Variants in OR9G1 observed in about 807,000 individuals in gnomAD.
OR9G1 encodes olfactory receptor family 9 subfamily G member 1, also known as olfactory receptor 9G1.
OR9G1 carries 21 observed loss-of-function variants against 14.5 expected under a neutral mutation model. The observed-to-expected ratio is 1.45, with a 90% CI of 1.03 to 2.09. The LOEUF (loss-of-function observed/expected upper bound fraction) is 2.09. Ranked by LOEUF, OR9G1 falls within the 30% of genes most tolerant of loss-of-function variation. The pLI is 0.00. For missense variants in OR9G1, 476 were observed against 364.2 expected (o/e 1.31, Z -2.50); for synonymous variants, 179 against 153.3 (o/e 1.17, Z -1.24).
chr11:56,701,358 TG>T lies in OR9G1; in HGVS notation c.*54del. The T allele has an allele frequency of 6.5e-7, 1 of 1,537,236 alleles. No homozygotes were observed. The highest frequency in any genetic ancestry group is 2.0e-5 in the Admixed American group (1 of 49,032). ...ACAAAGACGACCTTAGATGGAGTGT[TG>T]TGTATTTCAAACAGAGTTACCATTG... is the stretch of plus-strand genomic sequence containing the variant. On this transcript the variant is annotated 3_prime_UTR_variant, in exon 2 of 2. Coordinates refer to ENST00000642097, the MANE Select transcript of OR9G1 (RefSeq NM_001005213.2).
rs558317454 is a variant in OR9G1, at chr11:56,701,767, G to T, written c.*462G>T. 2 of 72,388 alleles carry T rather than the reference G, an allele frequency of 2.8e-5. No individual in the cohort carries two copies. The highest frequency in any genetic ancestry group is 1.0e-4 in the African/African-American group (2 of 19,402). 4.5% of individuals were successfully genotyped at this position (72,388 alleles called of 1,614,324 possible). The stretch of plus-strand genomic sequence containing the variant: ...TCTACATGCTTTCCCCCCACAAGAA[G>T]AATTAGCACAAAGATCCAGAGGCAC... On this transcript the variant is annotated 3_prime_UTR_variant, in exon 2 of 2. Transcript: ENST00000642097.
rs1857609395 is a variant in OR9G1, at chr11:56,700,776, T to G, written c.389T>G (p.Leu130Arg). ...DRYVAISKPLLYAQAMSIKLC... is the reference protein window; with the variant it reads ...DRYVAISKPLRYAQAMSIKLC... The stretch of plus-strand genomic sequence containing the variant: ...TACGTGGCCATCTCCAAGCCCCTGC[T>G]TTATGCCCAGGCCATGTCCATAAAG... The change falls in exon 2 of 2, where the codon CTT becomes CGT. Residue 130 changes from leucine to arginine, a missense_variant. By Grantham distance (102) the Leu-to-Arg change is moderately radical. This residue lies in a region of OR9G1 where 352 missense variants were observed against 211.6 expected (regional missense o/e 1.66). Transcript: ENST00000642097. The G allele has an allele frequency of 6.2e-7, 1 of 1,614,200 alleles. No individual in the cohort carries two copies. The highest frequency in any genetic ancestry group is 1.7e-5 in the Admixed American group (1 of 60,018).
Position 56,700,937 on chromosome 11 carries a change from G to C in OR9G1, c.550G>C (p.Val184Leu). ...CTTTTTCTGTGATTTGCTTCCCTTG[G>C]TGGAGCTGGCCTGTGGCGAGAAGGG... ...DDFFCDLLPL[V>L]ELACGEKGGY... The change falls in exon 2 of 2, where the codon GTG (valine) becomes CTG (leucine). Residue 184 changes from valine to leucine, a missense_variant. By Grantham distance (32) the Val-to-Leu change is conservative. Transcript: ENST00000642097. 2 of 1,614,258 alleles carry C rather than the reference G, an allele frequency of 1.2e-6. No homozygotes were observed. The highest frequency in any genetic ancestry group is 1.7e-6 in the Non-Finnish European group (2 of 1,180,012).
chr11:56,701,216 T>C lies in OR9G1; in HGVS notation c.829T>C (p.Tyr277His), dbSNP rs765644085. Residue 277 changes from tyrosine (Y) to histidine (H), a missense_variant, in exon 2 of 2, where the codon TAC becomes CAC. By Grantham distance (83) the Tyr-to-His change is moderately conservative (BLOSUM62 2). Coordinates refer to ENST00000642097, the MANE Select transcript of OR9G1 (RefSeq NM_001005213.2). ...FDMDKIVSTF[Y>H]TVVFPMLNLM... ...TATGGACAAAATAGTTTCTACATTT[T>C]ACACTGTGGTATTCCCCATGTTGAA... The C allele has an allele frequency of 9.3e-6, 15 of 1,614,300 alleles. No homozygotes were observed. Among genetic ancestry groups the C allele is most frequent in the Admixed American group, 1.7e-5 (1 of 60,036 alleles).
chr11:56,700,589 C>G lies in OR9G1; in HGVS notation c.202C>G (p.Leu68Val), dbSNP rs1215545447. 6.2e-7 allele frequency: 1 copy of G among 1,614,316 alleles called. No individual in the cohort carries two copies. Among genetic ancestry groups the G allele is most frequent in the South Asian group, 1.1e-5 (1 of 91,092 alleles). Residue 68 changes from leucine (L) to valine (V), a missense_variant, in exon 2 of 2, where the codon CTG becomes GTG. This residue lies in a region of OR9G1 where 89 missense variants were observed against 85.1 expected (regional missense o/e 1.05). Coordinates refer to ENST00000642097, the MANE Select transcript of OR9G1 (RefSeq NM_001005213.2). ...MYFFTGNLSF[L>V]DLWYSSVYTP... ...TTTTTTCACTGGAAATCTGTCGTTT[C>G]TGGATCTCTGGTATTCTTCTGTCTA...
At position 56,701,542 on chromosome 11, in the gene OR9G1, A is replaced by G; in HGVS notation, c.*237A>G. Reference sequence around the variant, plus strand: ...AAAAACAAACATAAACCTTAAGCCCAAAACCTCTCCTATACCTTCATAAAG... The same window carrying G: ...AAAAACAAACATAAACCTTAAGCCCGAAACCTCTCCTATACCTTCATAAAG... On this transcript the variant is annotated 3_prime_UTR_variant, in exon 2 of 2. Transcript: ENST00000642097. The G allele has an allele frequency of 1.5e-6, 1 of 649,932 alleles. No homozygotes were observed. Among genetic ancestry groups the G allele is most frequent in the Non-Finnish European group, 2.4e-6 (1 of 415,448 alleles). The allele number at this position is 649,932 out of a possible 1,614,324, so 40.3% of individuals were successfully genotyped here. A position where few individuals can be genotyped will look rare whatever the true frequency, so the allele number is the denominator to read the frequency against.
rs769056737 is a variant in OR9G1, at chr11:56,701,130, C to T, written c.743C>T (p.Thr248Ile). The T allele has an allele frequency of 1.2e-6, 2 of 1,614,306 alleles. No homozygotes were observed. The highest frequency in any genetic ancestry group is 1.7e-6 in the Non-Finnish European group (2 of 1,180,048). ...TGCTCCTCCCACCTGACCTCTGTCACTTTATACTATGGCTCCATTCTCTAC... is the reference window on the plus strand; with the variant it reads ...TGCTCCTCCCACCTGACCTCTGTCATTTTATACTATGGCTCCATTCTCTAC... ...STCSSHLTSVTLYYGSILYIY... is the reference protein window; with the variant it reads ...STCSSHLTSVILYYGSILYIY... The change falls in exon 2 of 2, where the codon ACT (threonine) becomes ATT (isoleucine). Residue 248 changes from threonine (T) to isoleucine (I), a missense_variant. By Grantham distance (89) the Thr-to-Ile change is moderately conservative. Coordinates refer to ENST00000642097, the MANE Select transcript of OR9G1 (RefSeq NM_001005213.2).
In OR9G1 at chr11:56,701,836, C is replaced by T. The variant is rs1298652402; in HGVS notation, c.*531C>T. 1 of 70,216 alleles carries T rather than the reference C, an allele frequency of 1.4e-5. No homozygotes were observed. Among genetic ancestry groups the T allele is most frequent in the Non-Finnish European group, 3.2e-5 (1 of 31,660 alleles). 4.3% of individuals were successfully genotyped at this position (70,216 alleles called of 1,614,324 possible). ...CAAATGAGACCCAGAAAGGCATGACCTTGCTATGCCTCTTACATAAGTTTC... is the reference window on the plus strand; with the variant it reads ...CAAATGAGACCCAGAAAGGCATGACTTTGCTATGCCTCTTACATAAGTTTC... On this transcript the variant is annotated 3_prime_UTR_variant, in exon 2 of 2. Transcript: ENST00000642097.
In OR9G1 at chr11:56,700,556, C is replaced by A. The variant is rs139045527; in HGVS notation, c.169C>A (p.Pro57Thr). The change falls in exon 2 of 2, where the codon CCC (proline) becomes ACC (threonine). Residue 57 changes from proline to threonine, a missense_variant. Around this residue, in one of 3 missense-constraint regions of OR9G1, gnomAD observed 89 missense variants for 85.1 expected, o/e 1.05. Coordinates refer to ENST00000642097, the MANE Select transcript of OR9G1 (RefSeq NM_001005213.2). ...CTGTAATGACTCCTGCCTCCACACA[C>A]CCATGTATTTTTTCACTGGAAATCT... ...LICNDSCLHT[P>T]MYFFTGNLSF... is the part of the protein sequence containing the mutation. 2.5e-6 allele frequency: 4 copies of A among 1,614,160 alleles called. No individual in the cohort carries two copies. The highest frequency in any genetic ancestry group is 2.2e-5 in the South Asian group (2 of 91,096).
In OR9G1 at chr11:56,701,292, A is replaced by C; in HGVS notation, c.905A>C (p.Lys302Thr). Residue 302 changes from lysine (K) to threonine (T), a missense_variant, in exon 2 of 2, where the codon AAA becomes ACA. Coordinates refer to ENST00000642097, the MANE Select transcript of OR9G1 (RefSeq NM_001005213.2). ...RNKDVKEALK[K>T]LLP ...AAGGATGTGAAAGAGGCTCTGAAAA[A>C]ACTTCTCCCATAAATCAAGATTATC... 6.2e-7 allele frequency: 1 copy of C among 1,604,430 alleles called. No individual in the cohort carries two copies.
In OR9G1 at chr11:56,701,568, T is replaced by C. The variant is rs2000896; in HGVS notation, c.*263T>C. 15,526 of 461,854 alleles carry C rather than the reference T, an allele frequency of 0.034. 3 individuals are homozygous for C. The highest frequency in any genetic ancestry group is 0.063 in the East Asian group (1,582 of 25,104). 28.6% of individuals were successfully genotyped at this position (461,854 alleles called of 1,614,324 possible). Reference sequence around the variant, plus strand: ...AAACCTCTCCTATACCTTCATAAAGTGAGGAACAGCCTACCTCATTAGCCT... The same window carrying C: ...AAACCTCTCCTATACCTTCATAAAGCGAGGAACAGCCTACCTCATTAGCCT... On this transcript the variant is annotated 3_prime_UTR_variant, in exon 2 of 2. Transcript: ENST00000642097.
At chr11:56,699,399 T>C (rs1857567143) in intron 1 of OR9G1, among the ~76,000 whole-genome samples, 1 of 152,310 alleles carries the variant, frequency 6.6e-6, no homozygotes, top group Non-Finnish European at 1.5e-5. Context: ...ATAACACTGT[T>C]TACTAACATT....
chr11:56,701,063 AG>A lies in OR9G1; in HGVS notation c.678del (p.Ile227SerfsTer18). ...SYLFIITSVL[R>X]ISSSKGYLKA... ...CCTCTTTATCATCACCAGTGTCTTG[AG>A]GATCTCCTCCTCCAAGGGCTACCTC... On this transcript the variant is annotated frameshift_variant, in exon 2 of 2. Coordinates refer to ENST00000642097, the MANE Select transcript of OR9G1 (RefSeq NM_001005213.2). LOFTEE classifies it high-confidence loss of function. 6.2e-7 allele frequency: 1 copy of A among 1,614,316 alleles called. No individual in the cohort carries two copies. The highest frequency in any genetic ancestry group is 8.5e-7 in the Non-Finnish European group (1 of 1,180,060).
Position 56,700,882 on chromosome 11 carries a change from T to C in OR9G1, c.495T>C (p.Phe165=), listed in dbSNP as rs758545328. The C allele has an allele frequency of 2.5e-6, 4 of 1,614,260 alleles. No individual in the cohort carries two copies. Among genetic ancestry groups the C allele is most frequent in the Admixed American group, 3.3e-5 (2 of 60,030 alleles). Residue 165 remains phenylalanine (F), a synonymous_variant, in exon 2 of 2, where the codon TTT becomes TTC. Transcript: ENST00000642097. Reference sequence around the variant, plus strand: ...TCATCACCAAGAAAACGTTTTCCTTTAACTTCTGCCGTGAAAACATCATTG... The same window carrying C: ...TCATCACCAAGAAAACGTTTTCCTTCAACTTCTGCCGTGAAAACATCATTG... ...SSIITKKTFS[F]NFCRENIIDD...
intron 1 of OR9G1, among the ~76,000 whole-genome samples, chr11:56,700,067 A>G (rs1014340226): frequency 2.0e-5 from 3 of 152,306 alleles, no homozygotes; most frequent in Non-Finnish European, 4.4e-5. Context: ...GTACACATTT[A>G]GCAAAAGAGA....
chr11:56,700,836 G>T lies in OR9G1; in HGVS notation c.449G>T (p.Gly150Val), dbSNP rs1232671333. The T allele has an allele frequency of 3.1e-6, 5 of 1,614,318 alleles. No individual in the cohort carries two copies. Among genetic ancestry groups the T allele is most frequent in the Non-Finnish European group, 4.2e-6 (5 of 1,180,062 alleles). The change falls in exon 2 of 2, where the codon GGT (glycine) becomes GTT (valine). Residue 150 changes from glycine to valine, a missense_variant. By Grantham distance (109) the Gly-to-Val change is moderately radical. Coordinates refer to ENST00000642097, the MANE Select transcript of OR9G1 (RefSeq NM_001005213.2). ...CALLVAVSYC[G>V]GFINSSIITK... ...TTGCTGGTAGCAGTCTCATATTGTG[G>T]TGGCTTTATTAACTCTTCAATCATC...
chr11:56,703,878 A>G lies in OR9G1; in HGVS notation c.*2573A>G, dbSNP rs567813846. ...TTAGCTCTAGAATTATGTCTAAGTA[A>G]TATTACAGAGACCCTAGTAAAAAGA... is the stretch of plus-strand genomic sequence containing the variant. On this transcript the variant is annotated 3_prime_UTR_variant, in exon 2 of 2. Transcript: ENST00000642097. 1.4e-5 allele frequency: 2 copies of G among 145,332 alleles called. No homozygotes were observed. Among genetic ancestry groups the G allele is most frequent in the Admixed American group, 6.9e-5 (1 of 14,422 alleles). 9.0% of individuals were successfully genotyped at this position (145,332 alleles called of 1,614,324 possible).
rs143307936 is a variant in OR9G1, at chr11:56,700,421, A to G, written c.34A>G (p.Ile12Val). The G allele has an allele frequency of 5.4e-4, 876 of 1,614,004 alleles. No individual in the cohort carries two copies. In the African/African-American group the frequency reaches 0.01, roughly 19 times the overall value. ...QRSNHTVTEF[I>V]LLGFTTDPGM... ...GAGCAATCATACAGTGACTGAGTTT[A>G]TACTGCTGGGCTTCACCACAGACCC... The change falls in exon 2 of 2, where the codon ATA (isoleucine) becomes GTA (valine). Residue 12 changes from isoleucine (I) to valine (V), a missense_variant. This residue lies in a region of OR9G1 where 89 missense variants were observed against 85.1 expected (regional missense o/e 1.05). Coordinates refer to ENST00000642097, the MANE Select transcript of OR9G1 (RefSeq NM_001005213.2).
At chr11:56,699,541 G>A (rs1444884051) in intron 1 of OR9G1, among the ~76,000 whole-genome samples, 1 of 152,308 alleles carries the variant, frequency 6.6e-6, no homozygotes, top group African/African-American at 2.4e-5. Flanking sequence ...AATGACTTAG[G>A]TTAATGAGAA....
Sources: allele counts gnomAD v4.1 joint callset (sites outside exome capture counted in the v4.1 genomes callset), GRCh38; gene constraint gnomAD v4.1.1; regional missense constraint gnomAD v4.1.1; transcripts MANE v1.5; gene names NCBI Gene and HGNC (gene_info 2026-07-23, HGNC 2026-07-21).